The following INPP4A variants were observed in gnomAD, a reference collection of about 807,000 sequenced individuals.
The protein encoded by INPP4A is inositol polyphosphate-4-phosphatase type I A.
INPP4A carries 33 observed loss-of-function variants against 119.8 expected under a neutral mutation model. That is an observed-to-expected ratio of 0.28 (90% CI 0.21 to 0.37). INPP4A has a LOEUF of 0.37. Among genes scored for constraint, INPP4A ranks in the 10% least tolerant of loss-of-function variants. The pLI is 1.00. For missense variants in INPP4A, 956 were observed against 1,289.9 expected (o/e 0.74, Z 3.97); for synonymous variants, 496 against 500.7 (o/e 0.99, Z 0.12).
chr2:98,520,808 C>A, intron 4 of INPP4A, 77 bp downstream of exon 4: 1 of 780,750 alleles, frequency 1.3e-6, no homozygotes, highest in Admixed American at 2.6e-5. Context: ...ACCACCAGTG[C>A]ATGGGCTTGT....
chr2:98,576,760 C>T (rs750121315), intron 23 of INPP4A, among the ~76,000 whole-genome samples: 9 of 152,246 alleles, frequency 5.9e-5, no homozygotes, highest in Non-Finnish European at 1.2e-4. Flanking sequence ...GGCAGGCCTA[C>T]AGGCGGCAGG....
chr2:98,531,156 C>G (rs1018703267), intron 4 of INPP4A, among the ~76,000 whole-genome samples: 1 of 152,138 alleles, frequency 6.6e-6, no homozygotes, highest in Non-Finnish European at 1.5e-5. Context: ...AAGATTTCAA[C>G]ACATAAATTT....
chr2:98,547,203 A>G (rs998807136), intron 13 of INPP4A, among the ~76,000 whole-genome samples: 3 of 152,222 alleles, frequency 2.0e-5, no homozygotes, highest in African/African-American at 4.8e-5. Context: ...ACATGGTGAA[A>G]TGTGGCCAGG....
At chr2:98,511,113 G>T (rs1685052343) in intron 1 of INPP4A, among the ~76,000 whole-genome samples, 1 of 151,780 alleles carries the variant, frequency 6.6e-6, no homozygotes, top group Admixed American at 6.6e-5. Flanking sequence ...AGGCTGGAGT[G>T]CAGTAGTGCG....
At chr2:98,562,594 G>A (rs1180454854) in intron 17 of INPP4A, among the ~76,000 whole-genome samples, 1 of 152,120 alleles carries the variant, frequency 6.6e-6, no homozygotes, top group Non-Finnish European at 1.5e-5. Context: ...TGTTTGGTGT[G>A]GTGGATTCAC....
intron 1 of INPP4A, among the ~76,000 whole-genome samples, chr2:98,493,609 C>A (rs1017497443): frequency 6.6e-6 from 1 of 151,960 alleles, no homozygotes; most frequent in East Asian, 1.9e-4. Context: ...GTTGCCCAGG[C>A]TGGTCTTAAA....
intron 1 of INPP4A, among the ~76,000 whole-genome samples, chr2:98,465,149 T>C (rs1674481834): frequency 1.3e-5 from 2 of 152,356 alleles, no homozygotes; most frequent in East Asian, 3.9e-4. Context: ...CGAAAGGAAC[T>C]TATTCTCTCA....
chr2:98,541,961 C>CTGTT (rs1287475404), intron 10 of INPP4A, among the ~76,000 whole-genome samples: 1 of 152,224 alleles, frequency 6.6e-6, no homozygotes, highest in Non-Finnish European at 1.5e-5. Context: ...ATGTCAGGCA[C>CTGTT]TGTTCTCAGT....
intron 1 of INPP4A, among the ~76,000 whole-genome samples, chr2:98,515,193 G>A (rs946633549): frequency 3.3e-4 from 50 of 152,228 alleles, no homozygotes; most frequent in African/African-American, 1.2e-3. Flanking sequence ...AGTGAATGGT[G>A]TGACACCTCA....
intron 18 of INPP4A, 116 bp downstream of exon 18, chr2:98,563,753 T>C: frequency 3.1e-6 from 3 of 975,570 alleles, no homozygotes. Flanking sequence ...TGGCCATATT[T>C]CCTCCTGGTG....
chr2:98,533,560 A>T (rs1689655966), intron 5 of INPP4A, 65 bp downstream of exon 5: 2 of 946,508 alleles, frequency 2.1e-6, no homozygotes, highest in South Asian at 2.7e-5. Context: ...TCTTGTCCTG[A>T]TGTTCAGTTA....
At chr2:98,500,369 G>A (rs1682877683) in intron 1 of INPP4A, among the ~76,000 whole-genome samples, 2 of 152,150 alleles carry the variant, frequency 1.3e-5, no homozygotes, top group Non-Finnish European at 2.9e-5. Flanking sequence ...ATCCAGCTGT[G>A]GATGGAGATG....
chr2:98,516,478 T>G (rs923035927), intron 1 of INPP4A, among the ~76,000 whole-genome samples: 2 of 150,806 alleles, frequency 1.3e-5, no homozygotes, highest in Middle Eastern at 3.4e-3. Context: ...CAGGGAGAGG[T>G]GGAAAGGGGT....
At chr2:98,533,067 G>A (rs748663009) in intron 4 of INPP4A, among the ~76,000 whole-genome samples, 19 of 152,290 alleles carry the variant, frequency 1.2e-4, no homozygotes, top group South Asian at 6.2e-4. Context: ...TACCGAGGTC[G>A]GACTTGAAGG....
At chr2:98,465,759 C>T (rs961893816) in intron 1 of INPP4A, among the ~76,000 whole-genome samples, 2 of 152,188 alleles carry the variant, frequency 1.3e-5, no homozygotes, top group African/African-American at 4.8e-5. Flanking sequence ...TATGTTGTTA[C>T]ATGGGTTTGA....
At chr2:98,468,196 A>T (rs1426842845) in intron 1 of INPP4A, among the ~76,000 whole-genome samples, 1 of 152,186 alleles carries the variant, frequency 6.6e-6, no homozygotes, top group Non-Finnish European at 1.5e-5. Context: ...AGATCCTTAG[A>T]TATACCAATT....
intron 4 of INPP4A, among the ~76,000 whole-genome samples, chr2:98,529,618 C>A (rs993167409): frequency 3.9e-5 from 6 of 152,052 alleles, no homozygotes; most frequent in Non-Finnish European, 8.8e-5. Flanking sequence ...CGCCTGTAGT[C>A]CCAGCTACTC....
rs370203629 is a variant in INPP4A at position 98,510,376 on chromosome 2, A to T, written c.-165-8588A>T. On this transcript the variant is annotated intron_variant, in intron 1 of 24. Transcript: ENST00000409851. ...TCTGGGCTTGTTCTGCTCCTGGAGCATCCTCCTCTGCCCTCTTGTTTACAG... is the reference window on the plus strand; with the variant it reads ...TCTGGGCTTGTTCTGCTCCTGGAGCTTCCTCCTCTGCCCTCTTGTTTACAG... 5.3e-5 allele frequency among the ~76,000 whole-genome samples: 8 copies of T among 152,310 alleles called. No homozygotes were observed. The East Asian group carries it at 9.6e-4, about 18-fold the overall frequency.
At chr2:98,467,859 C>A (rs917952430) in intron 1 of INPP4A, among the ~76,000 whole-genome samples, 3 of 152,096 alleles carry the variant, frequency 2.0e-5, no homozygotes, top group African/African-American at 7.2e-5. Flanking sequence ...TAATAGTTAT[C>A]TATTAGTTAT....
Sources: gnomAD v4.1 joint callset for allele counts (sites outside exome capture counted in the v4.1 genomes callset) on GRCh38, gnomAD v4.1.1 for gene constraint, MANE v1.5 for transcripts, NCBI Gene and HGNC (gene_info 2026-07-23, HGNC 2026-07-21) for gene names.